The following CUL3 variants were observed in gnomAD, a reference collection of about 807,000 sequenced individuals.
CUL3 encodes cullin 3, also known as cullin-3.
In CUL3, 19 loss-of-function variants were observed where a neutral mutation model predicts 89.1. That is an observed-to-expected ratio of 0.21 (90% CI 0.15 to 0.31). The LOEUF (loss-of-function observed/expected upper bound fraction) is 0.31, where lower values mean the gene tolerates loss of function less well. Among genes scored for constraint, CUL3 ranks in the 10% least tolerant of loss-of-function variants. The probability of loss-of-function intolerance (pLI) is 1.00; values close to 1 mark genes in which losing one functional copy is unlikely to be tolerated. For missense variants in CUL3, 469 were observed against 942.3 expected (o/e 0.50, Z 6.58); for synonymous variants, 351 against 308.4 (o/e 1.14, Z -1.45).
intron 13 of CUL3, among the ~76,000 whole-genome samples, chr2:224,484,149 C>T: frequency 6.6e-6 from 1 of 151,806 alleles, no homozygotes; most frequent in East Asian, 1.9e-4. Flanking sequence ...CCAGTCTGGG[C>T]AAGAATGAGA....
intron 2 of CUL3, among the ~76,000 whole-genome samples, chr2:224,550,295 T>C (rs1177183366): frequency 6.6e-6 from 1 of 152,242 alleles, no homozygotes; most frequent in African/African-American, 2.4e-5. Flanking sequence ...TGTTATATTT[T>C]AGTAATTTTG....
rs373108368 is a variant in CUL3, at chr2:224,556,817, G to A, written c.264+842C>T. Reference sequence around the variant, plus strand: ...TAATGGTTCAGCAATAATAATATTGGTAACAGTAATTATAACACATATCAA... The same window carrying A: ...TAATGGTTCAGCAATAATAATATTGATAACAGTAATTATAACACATATCAA... On this transcript the variant is annotated intron_variant, in intron 2 of 15. Coordinates refer to ENST00000264414, the MANE Select transcript of CUL3 (RefSeq NM_003590.5). Among the ~76,000 whole-genome samples the A allele has an allele frequency of 7.6e-4, 116 of 152,068 alleles. 2 individuals carry two copies. The highest frequency in any genetic ancestry group is 2.6e-3 in the African/African-American group (110 of 41,512).
At chr2:224,578,258 TA>T (rs1211168771) in intron 1 of CUL3, among the ~76,000 whole-genome samples, 1 of 152,086 alleles carries the variant, frequency 6.6e-6, no homozygotes, top group Non-Finnish European at 1.5e-5. Flanking sequence ...TATTTGGCAA[TA>T]GGGAAATGGT....
chr2:224,568,791 A>G (rs185123055), intron 1 of CUL3, among the ~76,000 whole-genome samples: 4 of 152,328 alleles, frequency 2.6e-5, no homozygotes, highest in Middle Eastern at 3.4e-3. Context: ...CCTAAATCAA[A>G]TAAGTCCAAA....
At chr2:224,521,891 T>C (rs918575649) in intron 3 of CUL3, among the ~76,000 whole-genome samples, 1 of 151,998 alleles carries the variant, frequency 6.6e-6, no homozygotes, top group African/African-American at 2.4e-5. Flanking sequence ...TAAATAGTTC[T>C]TCTTTCAGTT....
At chr2:224,513,957 C>T (rs1692939596) in intron 4 of CUL3, among the ~76,000 whole-genome samples, 1 of 152,196 alleles carries the variant, frequency 6.6e-6, no homozygotes, top group Admixed American at 6.5e-5. Flanking sequence ...GCTGTACTGC[C>T]AGACATGGGT....
chr2:224,568,877 C>G (rs1283691829), intron 1 of CUL3, among the ~76,000 whole-genome samples: 1 of 152,154 alleles, frequency 6.6e-6, no homozygotes, highest in African/African-American at 2.4e-5. Context: ...ATCAAATGCA[C>G]GTCAACATCC....
At chr2:224,577,699 A>G (rs1209278472) in intron 1 of CUL3, among the ~76,000 whole-genome samples, 1 of 152,186 alleles carries the variant, frequency 6.6e-6, no homozygotes, top group East Asian at 1.9e-4. Flanking sequence ...TGAATACTCC[A>G]GTGCAAAAGT....
intron 1 of CUL3, among the ~76,000 whole-genome samples, chr2:224,577,862 C>T (rs1411611852): frequency 6.6e-6 from 1 of 152,178 alleles, no homozygotes; most frequent in Non-Finnish European, 1.5e-5. Context: ...TAAACGGATA[C>T]AACCTTGAGA....
chr2:224,506,880 T>C lies in CUL3; in HGVS notation c.1007A>G (p.Lys336Arg). ...TACCTGGATATAGTCAACAGGATTC[T>C]TTCCTTCTCCTTCTTCAGAAACAAG... ...KALVSEEGEG[K>R]NPVDYIQGLL... Residue 336 changes from lysine to arginine, a missense_variant, in exon 7 of 16, where the codon AAG becomes AGG. Physicochemically the swap from Lys to Arg is conservative, Grantham distance 26. Around this residue, in one of 4 missense-constraint regions of CUL3, gnomAD observed 370 missense variants for 733.2 expected, o/e 0.50. Transcript: ENST00000264414. 6.2e-7 allele frequency: 1 copy of C among 1,613,640 alleles called. No homozygotes were observed. The highest frequency in any genetic ancestry group is 8.5e-7 in the Non-Finnish European group (1 of 1,179,726).
chr2:224,476,541 G>T (rs750737741), intron 15 of CUL3, among the ~76,000 whole-genome samples: 11 of 152,146 alleles, frequency 7.2e-5, no homozygotes, highest in Non-Finnish European at 1.3e-4. Flanking sequence ...ATAGAGAAAA[G>T]AAGCCATTTC....
At chr2:224,582,277 T>C (rs1224866271) in intron 1 of CUL3, among the ~76,000 whole-genome samples, 1 of 152,178 alleles carries the variant, frequency 6.6e-6, no homozygotes, top group African/African-American at 2.4e-5. Flanking sequence ...ATATTTTTTC[T>C]TTACGGAACA....
At chr2:224,570,621 C>T (rs554357480) in intron 1 of CUL3, among the ~76,000 whole-genome samples, 2 of 151,682 alleles carry the variant, frequency 1.3e-5, no homozygotes, top group East Asian at 3.9e-4. Flanking sequence ...GGGAGTGCTG[C>T]CAAAAAAAGA....
Position 224,511,338 on chromosome 2 carries a change from A to T in CUL3, c.883+16T>A, listed in dbSNP as rs2106214617. 6.6e-7 allele frequency: 1 copy of T among 1,521,310 alleles called. No homozygotes were observed. The highest frequency in any genetic ancestry group is 9.0e-7 in the Non-Finnish European group (1 of 1,116,318). 94.2% of individuals were successfully genotyped at this position (1,521,310 alleles called of 1,614,324 possible). A position where few individuals can be genotyped will look rare whatever the true frequency, so the allele number is the denominator to read the frequency against. ...CAGAGTAAGGATTTAATTATTTTTC[A>T]ATCGGTAACACTTACCTTCTGTCTT... On this transcript the variant is annotated intron_variant, in intron 6 of 15. Transcript: ENST00000264414.
intron 13 of CUL3, among the ~76,000 whole-genome samples, chr2:224,492,136 A>C (rs1394299406): frequency 1.3e-5 from 2 of 152,186 alleles, no homozygotes; most frequent in Non-Finnish European, 2.9e-5. Context: ...CTAGCCTCAG[A>C]TATTTCCTGA....
chr2:224,478,061 G>C (rs1454505507), intron 15 of CUL3, 139 bp downstream of exon 15: 1 of 751,996 alleles, frequency 1.3e-6, no homozygotes, highest in African/African-American at 1.8e-5. Flanking sequence ...GTTACCAAGT[G>C]AGTGCCATAC....
chr2:224,561,239 T>C (rs1166481036), intron 1 of CUL3, among the ~76,000 whole-genome samples: 2 of 152,326 alleles, frequency 1.3e-5, no homozygotes, highest in Admixed American at 6.5e-5. Context: ...CAAGGATTCA[T>C]ACTTCGGTGA....
chr2:224,550,330 GCTGTGA>G (rs1215170635), intron 2 of CUL3, among the ~76,000 whole-genome samples: 1 of 152,166 alleles, frequency 6.6e-6, no homozygotes, highest in East Asian at 1.9e-4. Flanking sequence ...TTTTGGCTGT[GCTGTGA>G]CTGTGACTCC....
chr2:224,566,894 C>T (rs1056195883), intron 1 of CUL3, among the ~76,000 whole-genome samples: 11 of 152,182 alleles, frequency 7.2e-5, no homozygotes, highest in African/African-American at 2.7e-4. Flanking sequence ...ACAGGTGTAG[C>T]GATGGCTTCA....
Sources: allele counts gnomAD v4.1 joint callset (sites outside exome capture counted in the v4.1 genomes callset), GRCh38; gene constraint gnomAD v4.1.1; regional missense constraint gnomAD v4.1.1; transcripts MANE v1.5; gene names NCBI Gene and HGNC (gene_info 2026-07-23, HGNC 2026-07-21).